The following NKAIN2 variants were observed in gnomAD, a reference collection of about 807,000 sequenced individuals.
The protein encoded by NKAIN2 is sodium/potassium transporting ATPase interacting 2.
A neutral mutation model predicts 32.6 loss-of-function variants in NKAIN2; 14 were observed. The observed-to-expected ratio is 0.43, with a 90% CI of 0.28 to 0.67. NKAIN2 has a LOEUF of 0.67. NKAIN2 is among the 30% of genes least tolerant of loss of function. The pLI is 0.17. For synonymous variants in NKAIN2, 80 were observed against 87.2 expected (o/e 0.92, Z 0.46); for missense variants, 198 against 258.3 (o/e 0.77, Z 1.60).
At chr6:124,612,581 C>T (rs1189262725) in intron 3 of NKAIN2, among the ~76,000 whole-genome samples, 2 of 152,150 alleles carry the variant, frequency 1.3e-5, no homozygotes, top group African/African-American at 2.4e-5. Flanking sequence ...TGAACCCCAA[C>T]TTCAGTTTCC....
intron 2 of NKAIN2, among the ~76,000 whole-genome samples, chr6:124,341,200 T>C (rs1798100593): frequency 6.6e-6 from 1 of 152,094 alleles, no homozygotes; most frequent in South Asian, 2.1e-4. Context: ...TTGATCATAA[T>C]ATAAGCAAGA....
chr6:124,651,498 A>G (rs932294435), intron 3 of NKAIN2, among the ~76,000 whole-genome samples: 1 of 152,182 alleles, frequency 6.6e-6, no homozygotes, highest in East Asian at 1.9e-4. Flanking sequence ...GGATGCTGCC[A>G]TAACTCCATA....
intron 1 of NKAIN2, among the ~76,000 whole-genome samples, chr6:124,137,592 AC>A (rs1324324570): frequency 6.6e-6 from 1 of 152,178 alleles, no homozygotes; most frequent in Non-Finnish European, 1.5e-5. Context: ...TGGAGGCATC[AC>A]TTTACCTGAT....
chr6:124,313,797 T>C (rs1217904505), intron 2 of NKAIN2, among the ~76,000 whole-genome samples: 1 of 152,170 alleles, frequency 6.6e-6, no homozygotes, highest in Non-Finnish European at 1.5e-5. Context: ...AGCCTCATGA[T>C]GGCAAAATCA....
chr6:124,342,802 C>T lies in NKAIN2; in HGVS notation c.193-12465C>T, dbSNP rs1402072642. On this transcript the variant is annotated intron_variant, in intron 2 of 6. Transcript: ENST00000368417. ...TTACAAGGATGAGCCACCACACCTG[C>T]CCAGAAGATGTTTTATTATTATTAT... 2.9e-5 allele frequency among the ~76,000 whole-genome samples: 4 copies of T among 137,588 alleles called. No homozygotes were observed. The Admixed American group carries it at 3.0e-4, about 10-fold the overall frequency. The allele number at this position is 137,588 out of a possible 152,430, so 90.3% of individuals were successfully genotyped here.
chr6:124,283,584 G>A (rs1362724921), intron 2 of NKAIN2, among the ~76,000 whole-genome samples: 1 of 152,114 alleles, frequency 6.6e-6, no homozygotes, highest in Non-Finnish European at 1.5e-5. Flanking sequence ...CTAATATTTG[G>A]CGTATGAGAA....
intron 4 of NKAIN2, among the ~76,000 whole-genome samples, chr6:124,750,252 C>G: frequency 6.6e-6 from 1 of 151,912 alleles, no homozygotes; most frequent in Non-Finnish European, 1.5e-5. Context: ...CATTTTTCCT[C>G]CAGGCTTAAG....
intron 3 of NKAIN2, among the ~76,000 whole-genome samples, chr6:124,501,803 G>A (rs1161031021): frequency 2.0e-5 from 3 of 151,828 alleles, no homozygotes; most frequent in Non-Finnish European, 4.4e-5. Flanking sequence ...CCCACCTCTG[G>A]GACAGCTTCC....
chr6:124,259,453 G>A (rs760008160), intron 1 of NKAIN2, among the ~76,000 whole-genome samples: 7 of 152,090 alleles, frequency 4.6e-5, no homozygotes, highest in South Asian at 2.1e-4. Flanking sequence ...TGAAGCTTTC[G>A]AGAAAGTCAG....
At chr6:123,895,979 G>T (rs1458042162) in intron 1 of NKAIN2, among the ~76,000 whole-genome samples, 1 of 152,128 alleles carries the variant, frequency 6.6e-6, no homozygotes, top group Non-Finnish European at 1.5e-5. Context: ...TCATGCATAT[G>T]ACAAAATTAG....
chr6:123,948,382 A>G (rs78128576), intron 1 of NKAIN2, among the ~76,000 whole-genome samples: 1 of 151,996 alleles, frequency 6.6e-6, no homozygotes, highest in African/African-American at 2.4e-5. Flanking sequence ...TTACATTTCC[A>G]CCAATGGAAA....
At chr6:123,947,411 TTC>T (rs1777115668) in intron 1 of NKAIN2, among the ~76,000 whole-genome samples, 1 of 152,184 alleles carries the variant, frequency 6.6e-6, no homozygotes, top group Non-Finnish European at 1.5e-5. Context: ...TTAACTTGTA[TTC>T]TTTCATCTCA....
intron 1 of NKAIN2, among the ~76,000 whole-genome samples, chr6:123,924,102 A>G (rs541238211): frequency 6.6e-6 from 1 of 152,282 alleles, no homozygotes; most frequent in South Asian, 2.1e-4. Flanking sequence ...AGAAATTTAA[A>G]ATTTTATTGT....
At chr6:124,607,225 T>A (rs1782534897) in intron 3 of NKAIN2, among the ~76,000 whole-genome samples, 1 of 152,164 alleles carries the variant, frequency 6.6e-6, no homozygotes, top group South Asian at 2.1e-4. Context: ...AAAGTGTGAT[T>A]TAACTATATA....
intron 3 of NKAIN2, among the ~76,000 whole-genome samples, chr6:124,596,514 G>A (rs1782093262): frequency 6.6e-6 from 1 of 152,056 alleles, no homozygotes; most frequent in South Asian, 2.1e-4. Context: ...ACAACTAGTC[G>A]ATACATAATA....
chr6:124,637,026 A>G (rs1270746608), intron 3 of NKAIN2, among the ~76,000 whole-genome samples: 1 of 152,082 alleles, frequency 6.6e-6, no homozygotes, highest in African/African-American at 2.4e-5. Context: ...CATTACATTA[A>G]AAGATAATAG....
At chr6:124,064,602 G>T (rs1451843272) in intron 1 of NKAIN2, among the ~76,000 whole-genome samples, 1 of 152,014 alleles carries the variant, frequency 6.6e-6, no homozygotes, top group East Asian at 1.9e-4. Context: ...GTCCAGATAT[G>T]CTAGACTTTA....
At chr6:123,930,835 A>G (rs1296320217) in intron 1 of NKAIN2, among the ~76,000 whole-genome samples, 2 of 152,180 alleles carry the variant, frequency 1.3e-5, no homozygotes, top group Non-Finnish European at 1.5e-5. Context: ...GGTAGGACTA[A>G]ATGAAAAACA....
chr6:124,644,642 G>T (rs1205236822), intron 3 of NKAIN2, among the ~76,000 whole-genome samples: 1 of 152,128 alleles, frequency 6.6e-6, no homozygotes. Context: ...CTGACCTTGT[G>T]ATCCGCCTGC....
Sources: gnomAD v4.1 joint callset for allele counts (sites outside exome capture counted in the v4.1 genomes callset) on GRCh38, gnomAD v4.1.1 for gene constraint, MANE v1.5 for transcripts, NCBI Gene and HGNC (gene_info 2026-07-23, HGNC 2026-07-21) for gene names.